AXDND1: variants seen among roughly 807,000 people sequenced by gnomAD.
The protein encoded by AXDND1 is axonemal dynein light chain domain containing 1.
A neutral mutation model predicts 137.5 loss-of-function variants in AXDND1; 110 were observed. That is an observed-to-expected ratio of 0.80 (90% CI 0.69 to 0.94). The LOEUF (loss-of-function observed/expected upper bound fraction) is 0.94. Among genes scored for constraint, AXDND1 ranks in the 40% least tolerant of loss-of-function variants. AXDND1 has a pLI of 0.00. For missense variants in AXDND1, 1,191 were observed against 1,169.8 expected, an observed-to-expected ratio of 1.02 and a Z score of -0.26; for synonymous variants, 414 against 399.7, an observed-to-expected ratio of 1.04 and a Z score of -0.43.
intron 19 of AXDND1, 81 bp from the exon 20 acceptor site, chr1:179,492,774 A>T: frequency 1.1e-6 from 1 of 910,522 alleles, no homozygotes. Flanking sequence ...TTAAACACTT[A>T]GAAGAAGAAC....
intron 16 of AXDND1, among the ~76,000 whole-genome samples, chr1:179,465,826 C>T (rs566954597): frequency 2.0e-5 from 3 of 152,256 alleles, no homozygotes; most frequent in Non-Finnish European, 4.4e-5. Context: ...CAATGGCGGA[C>T]GCCCCTCCCC....
chr1:179,449,810 A>C (rs1660274597), intron 16 of AXDND1: 1 of 151,848 alleles, frequency 6.6e-6, no homozygotes, highest in Non-Finnish European at 1.5e-5. Flanking sequence ...CAGATTTTTC[A>C]CTTAAAGTGT....
intron 19 of AXDND1, among the ~76,000 whole-genome samples, chr1:179,492,234 C>G (rs1666983714): frequency 2.0e-5 from 3 of 152,020 alleles, no homozygotes; most frequent in Non-Finnish European, 4.4e-5. Context: ...ACCACGATGC[C>G]TGGGTAATTT....
chr1:179,460,350 T>C (rs1238413688), intron 16 of AXDND1, among the ~76,000 whole-genome samples: 2 of 152,202 alleles, frequency 1.3e-5, no homozygotes, highest in African/African-American at 4.8e-5. Flanking sequence ...GCTTCATCCA[T>C]GTCCCTACAA....
At chr1:179,487,728 G>A (rs1431277576) in intron 18 of AXDND1, among the ~76,000 whole-genome samples, 1 of 148,416 alleles carries the variant, frequency 6.7e-6, no homozygotes, top group African/African-American at 2.6e-5. Context: ...AGGCGTGATG[G>A]CTCATGCCTG....
At chr1:179,500,881 A>C (rs1299531510) in intron 20 of AXDND1, among the ~76,000 whole-genome samples, 10 of 152,006 alleles carry the variant, frequency 6.6e-5, no homozygotes, top group Non-Finnish European at 1.5e-4. Context: ...CATGTTGGCC[A>C]GGCTGGTCTT....
chr1:179,459,868 CTTTCT>C (rs1376531809), intron 16 of AXDND1, among the ~76,000 whole-genome samples: 2 of 128,480 alleles, frequency 1.6e-5, no homozygotes, highest in Admixed American at 8.6e-5. Flanking sequence ...TCTTTCCTTC[CTTTCT>C]TTTCTTTTCT....
At chr1:179,443,777 C>T (rs1295642225) in intron 15 of AXDND1, among the ~76,000 whole-genome samples, 1 of 152,116 alleles carries the variant, frequency 6.6e-6, no homozygotes, top group African/African-American at 2.4e-5. Context: ...TATTTATATA[C>T]CACATTTTGT....
chr1:179,383,427 A>G lies in AXDND1; in HGVS notation c.639-15A>G. 6.3e-7 allele frequency: 1 copy of G among 1,594,616 alleles called. No homozygotes were observed. Among genetic ancestry groups the G allele is most frequent in the Non-Finnish European group, 8.6e-7 (1 of 1,162,812 alleles). On this transcript the variant is annotated splice_polypyrimidine_tract_variant and intron_variant, in intron 7 of 25. Transcript: ENST00000367618. ...GCAATGTTAATTGCATAAGTCTGCC[A>G]CCTTAATTTTTTAGGAAACCTAATA...
intron 8 of AXDND1, among the ~76,000 whole-genome samples, 195 bp from the exon 9 acceptor site, chr1:179,385,043 T>A (rs1648980686): frequency 1.3e-5 from 2 of 152,316 alleles, no homozygotes; most frequent in South Asian, 4.2e-4. Flanking sequence ...GGATTACAGG[T>A]GTGAGCCACT....
intron 12 of AXDND1, among the ~76,000 whole-genome samples, chr1:179,427,503 C>T (rs1171736900): frequency 6.6e-6 from 1 of 152,088 alleles, no homozygotes. Context: ...GACAAAGTTC[C>T]TGCCCATAAA....
intron 21 of AXDND1, among the ~76,000 whole-genome samples, chr1:179,518,133 A>G (rs1358869828): frequency 1.3e-5 from 2 of 152,210 alleles, no homozygotes; most frequent in African/African-American, 4.8e-5. Flanking sequence ...AATTCTTTCT[A>G]TTGAACTAAA....
At chr1:179,444,547 C>CA (rs1449390234) in intron 15 of AXDND1, among the ~76,000 whole-genome samples, 3 of 151,966 alleles carry the variant, frequency 2.0e-5, no homozygotes, top group Non-Finnish European at 2.9e-5. Flanking sequence ...CTTGGGTTTA[C>CA]ACAGATAAAC....
At chr1:179,421,809 G>T (rs1414223135) in intron 12 of AXDND1, among the ~76,000 whole-genome samples, 1 of 151,884 alleles carries the variant, frequency 6.6e-6, no homozygotes, top group African/African-American at 2.4e-5. Context: ...AGGTCAGAGT[G>T]GGTGGATCAC....
At chr1:179,378,981 C>G (rs1647763675) in intron 5 of AXDND1, among the ~76,000 whole-genome samples, 1 of 152,026 alleles carries the variant, frequency 6.6e-6, no homozygotes, top group South Asian at 2.1e-4. Context: ...TTTTGCGAAC[C>G]ACAGTTAATC....
At chr1:179,376,486 C>T (rs80315601) in intron 4 of AXDND1, among the ~76,000 whole-genome samples, 2,710 of 152,270 alleles carry the variant, frequency 0.018, 67 homozygotes, top group African/African-American at 0.06. Context: ...GTCAACTATA[C>T]TACATTTTCA....
chr1:179,380,335 G>A (rs1476448773), intron 6 of AXDND1, among the ~76,000 whole-genome samples: 1 of 152,070 alleles, frequency 6.6e-6, no homozygotes, highest in Non-Finnish European at 1.5e-5. Flanking sequence ...GGATGTTAGT[G>A]ATTAAATTAT....
chr1:179,468,689 T>G (rs1663544096), intron 17 of AXDND1, 48 bp downstream of exon 17: 2 of 1,451,032 alleles, frequency 1.4e-6, no homozygotes, highest in Non-Finnish European at 1.9e-6. Context: ...TTCCTAAAGG[T>G]TTGTTGCAAT....
intron 5 of AXDND1, 92 bp downstream of exon 5, chr1:179,378,849 AAAC>A (rs1314847052): frequency 2.6e-5 from 28 of 1,073,632 alleles, no homozygotes; most frequent in Non-Finnish European, 3.1e-5. Flanking sequence ...ATAAAATATA[AAAC>A]AACGTCATAC....
Sources: gnomAD v4.1 joint callset for allele counts (sites outside exome capture counted in the v4.1 genomes callset) on GRCh38, gnomAD v4.1.1 for gene constraint, MANE v1.5 for transcripts, NCBI Gene and HGNC (gene_info 2026-07-23, HGNC 2026-07-21) for gene names.